AFM: variants seen among roughly 807,000 people sequenced by gnomAD.
AFM encodes the protein alpha-Alb.
Under a neutral mutation model 68.7 loss-of-function variants are expected in AFM, and 82 were observed. The observed-to-expected ratio is 1.19, with a 90% confidence interval of 1.00 to 1.43. The LOEUF (loss-of-function observed/expected upper bound fraction) is 1.43, where lower values mean the gene tolerates loss of function less well. Among genes scored for constraint, AFM ranks in the 40% most tolerant of loss-of-function variants. AFM has a pLI of 0.00. For synonymous variants in AFM, 250 were observed against 234.2 expected (o/e 1.07, Z -0.61); for missense variants, 772 against 701.8 (o/e 1.10, Z -1.13).
chr4:73,492,874 T>A (rs4607187), intron 8 of AFM, among the ~76,000 whole-genome samples: 1 of 151,646 alleles, frequency 6.6e-6, no homozygotes, highest in African/African-American at 2.4e-5. Flanking sequence ...ACTGTTTTTT[T>A]TTTTGTTGTT....
At chr4:73,499,340 C>T in intron 11 of AFM, 94 bp downstream of exon 11, 2 of 1,205,876 alleles carry the variant, frequency 1.7e-6, no homozygotes, top group East Asian at 3.0e-5. Context: ...ATCCATATTC[C>T]TTTCTTCACT....
intron 12 of AFM, among the ~76,000 whole-genome samples, 191 bp downstream of exon 12, chr4:73,500,418 G>A (rs1487066503): frequency 6.6e-6 from 1 of 151,350 alleles, no homozygotes; most frequent in Non-Finnish European, 1.5e-5. Context: ...TATCTAGCTT[G>A]TCTTTTCATT....
At position 73,499,155 on chromosome 4, in the gene AFM, C is replaced by A. The variant is rs1461880984; in HGVS notation, c.1331C>A (p.Thr444Asn). ...RLTKIAPQLS[T>N]EELVSLGEKM... The stretch of plus-strand genomic sequence containing the variant: ...ACGAAGATAGCTCCCCAACTCTCCA[C>A]TGAAGAACTGGTGTCTCTTGGCGAG... The change falls in exon 11 of 15, where the codon ACT (threonine) becomes AAT (asparagine). Residue 444 changes from threonine (T) to asparagine (N), a missense_variant. Physicochemically the swap from Thr to Asn is moderately conservative, Grantham distance 65. Coordinates refer to ENST00000226355, the MANE Select transcript of AFM (RefSeq NM_001133.2). 9.3e-6 allele frequency: 15 copies of A among 1,613,370 alleles called. No individual in the cohort carries two copies. The highest frequency in any genetic ancestry group is 1.3e-5 in the Non-Finnish European group (15 of 1,179,658).
chr4:73,495,445 G>A lies in AFM; in HGVS notation c.1191+13G>A, dbSNP rs1214836395. On this transcript the variant is annotated intron_variant, in intron 9 of 14. Coordinates refer to ENST00000226355, the MANE Select transcript of AFM (RefSeq NM_001133.2). ...TTACCGTTACGCGGTAGGTTCCATTGTTGTAGGTTCAGAAAATCAAAAAAG... is the reference window on the plus strand; with the variant it reads ...TTACCGTTACGCGGTAGGTTCCATTATTGTAGGTTCAGAAAATCAAAAAAG... The A allele has an allele frequency of 6.3e-7, 1 of 1,596,850 alleles. No individual in the cohort carries two copies. The highest frequency in any genetic ancestry group is 1.9e-5 in the Admixed American group (1 of 53,686).
intron 1 of AFM, among the ~76,000 whole-genome samples, chr4:73,483,156 T>G (rs952869832): frequency 3.3e-5 from 5 of 152,216 alleles, no homozygotes; most frequent in Non-Finnish European, 5.9e-5. Context: ...TTCCGTCAGC[T>G]GAATCTCTTA....
chr4:73,493,394 T>C (rs932124438), intron 8 of AFM, among the ~76,000 whole-genome samples: 10 of 152,180 alleles, frequency 6.6e-5, no homozygotes, highest in Non-Finnish European at 1.2e-4. Flanking sequence ...AGAAAGATAA[T>C]ATGTTTAAGT....
intron 7 of AFM, among the ~76,000 whole-genome samples, chr4:73,489,700 G>A (rs935839408): frequency 6.6e-6 from 1 of 152,092 alleles, no homozygotes; most frequent in African/African-American, 2.4e-5. Context: ...AAAAGTATTG[G>A]TACGAATATT....
At chr4:73,484,619 C>T (rs1720839516) in intron 3 of AFM, among the ~76,000 whole-genome samples, 1 of 151,830 alleles carries the variant, frequency 6.6e-6, no homozygotes, top group South Asian at 2.1e-4. Flanking sequence ...ACTGCAACCT[C>T]CACTTCCTGG....
At chr4:73,501,667 C>A in intron 12 of AFM, 120 bp from the exon 13 acceptor site, 1 of 1,110,124 alleles carries the variant, frequency 9.0e-7, no homozygotes, top group Non-Finnish European at 1.2e-6. Context: ...TGGTATATTT[C>A]AACTCTTTAC....
At chr4:73,481,950 C>A in intron 1 of AFM, 87 bp downstream of exon 1, 2 of 930,922 alleles carry the variant, frequency 2.1e-6, no homozygotes, top group South Asian at 1.6e-5. Flanking sequence ...CAAGTTAATT[C>A]TTTACTTGCT....
In AFM at chr4:73,486,008, C is replaced by T. The variant is rs968180247; in HGVS notation, c.417C>T (p.Phe139=). 1.9e-6 allele frequency: 3 copies of T among 1,614,068 alleles called. No individual in the cohort carries two copies. The highest frequency in any genetic ancestry group is 2.5e-6 in the Non-Finnish European group (3 of 1,179,976). ...KKSDVGFLPP[F]PTLDPEEKCQ... is the part of the protein sequence containing the mutation. ...CTGATGTGGGATTTCTGCCTCCTTTCCCTACCCTGGATCCCGAAGAGAAAT... is the reference window on the plus strand; with the variant it reads ...CTGATGTGGGATTTCTGCCTCCTTTTCCTACCCTGGATCCCGAAGAGAAAT... Residue 139 remains phenylalanine (F), a synonymous_variant, in exon 4 of 15, where the codon TTC becomes TTT. Transcript: ENST00000226355.
intron 3 of AFM, 151 bp downstream of exon 3, chr4:73,484,541 CTT>C: frequency 1.5e-5 from 10 of 670,832 alleles, no homozygotes; most frequent in East Asian, 3.8e-5. Context: ...TTCTTTCCTT[CTT>C]TTTTTTTTCT....
At chr4:73,492,214 T>A (rs545684288) in intron 8 of AFM, 128 bp downstream of exon 8, 145 of 791,798 alleles carry the variant, frequency 1.8e-4, no homozygotes, top group African/African-American at 1.8e-3. Context: ...AATTTTTTTT[T>A]AAATCATGGC....
intron 9 of AFM, among the ~76,000 whole-genome samples, chr4:73,496,679 A>G (rs964839307): frequency 1.3e-5 from 2 of 152,124 alleles, no homozygotes; most frequent in Non-Finnish European, 1.5e-5. Flanking sequence ...TGATTTTTAA[A>G]TTGTTAAATT....
intron 9 of AFM, among the ~76,000 whole-genome samples, chr4:73,496,577 C>T (rs1444641834): frequency 6.6e-6 from 1 of 152,170 alleles, no homozygotes; most frequent in Non-Finnish European, 1.5e-5. Context: ...ATGCTCATTT[C>T]AATGTCACTT....
At position 73,497,714 on chromosome 4, in the gene AFM, T is replaced by A. The variant is rs1327027346; in HGVS notation, c.1254T>A (p.His418Gln). Residue 418 changes from histidine (H) to glutamine (Q), a missense_variant, in exon 10 of 15, where the codon CAT becomes CAA. By Grantham distance (24) the His-to-Gln change is conservative (BLOSUM62 0). Transcript: ENST00000226355. ...AGATGGTACAACAAGAATGTAAACA[T>A]TTCCAGAATTTGGGGAAGGATGGTT... ...SLKMVQQECK[H>Q]FQNLGKDGLK... 6.2e-7 allele frequency: 1 copy of A among 1,609,946 alleles called. No individual in the cohort carries two copies. The highest frequency in any genetic ancestry group is 8.5e-7 in the Non-Finnish European group (1 of 1,177,788).
chr4:73,482,764 C>T (rs545261734), intron 1 of AFM, among the ~76,000 whole-genome samples: 1 of 152,284 alleles, frequency 6.6e-6, no homozygotes, highest in East Asian at 1.9e-4. Context: ...TTGTCCCATC[C>T]ACCCTTCTTT....
At chr4:73,502,576 C>G (rs571082094) in intron 13 of AFM, among the ~76,000 whole-genome samples, 1 of 152,300 alleles carries the variant, frequency 6.6e-6, no homozygotes, top group South Asian at 2.1e-4. Context: ...TGCCTGTTCA[C>G]TGTTTTCCAA....
At chr4:73,494,221 T>C (rs1721185359) in intron 8 of AFM, among the ~76,000 whole-genome samples, 1 of 151,470 alleles carries the variant, frequency 6.6e-6, no homozygotes, top group South Asian at 2.1e-4. Flanking sequence ...AAAAAGCAAA[T>C]GGGAAGCTGG....
Sources: gnomAD v4.1 joint callset for allele counts (sites outside exome capture counted in the v4.1 genomes callset) on GRCh38, gnomAD v4.1.1 for gene constraint, MANE v1.5 for transcripts, NCBI Gene and HGNC (gene_info 2026-07-23, HGNC 2026-07-21) for gene names.